RPS29: variants seen among roughly 807,000 people sequenced by gnomAD.
RPS29 encodes ribosomal protein S29.
For missense variants in RPS29, 60 were observed against 75.7 expected, an observed-to-expected ratio of 0.79 and a Z score of 0.77; for synonymous variants, 37 against 26.9, an observed-to-expected ratio of 1.37 and a Z score of -1.16.
At chr14:49,597,233 A>AT (rs1342543375) in intron 1 of RPS29, among the ~76,000 whole-genome samples, 1 of 151,270 alleles carries the variant, frequency 6.6e-6, no homozygotes, top group Non-Finnish European at 1.5e-5. Context: ...TTTTAATTTA[A>AT]TTTTTTTGTG....
Position 49,584,766 on chromosome 14 carries a change from C to CA in RPS29, c.163-1092dup, listed in dbSNP as rs201451612. Among the ~76,000 whole-genome samples the CA allele has an allele frequency of 8.3e-3, 1,065 of 128,392 alleles. 10 individuals carry two copies. Among genetic ancestry groups the CA allele is most frequent in the African/African-American group, 0.027 (933 of 34,230 alleles). 84.2% of individuals were successfully genotyped at this position (128,392 alleles called of 152,430 possible). A position where few individuals can be genotyped will look rare whatever the true frequency, so the allele number is the denominator to read the frequency against. On this transcript the variant is annotated intron_variant, in intron 2 of 2. Transcript: ENST00000245458. ...AACAGAGGGAGACCCAATTTCAAAA[C>CA]AAAAAAAAAAATTTACATCATTATA...
chr14:49,588,035 A>G (rs1223102739), upstream of RPS29, among the ~76,000 whole-genome samples: 2 of 152,258 alleles, frequency 1.3e-5, no homozygotes, highest in South Asian at 2.1e-4. Flanking sequence ...CAACTTTCCT[A>G]TAATTTATAT....
chr14:49,584,241 T>G (rs1389281747), intron 2 of RPS29, among the ~76,000 whole-genome samples: 1 of 152,248 alleles, frequency 6.6e-6, no homozygotes. Flanking sequence ...CCTCCCAAAG[T>G]GCTGGGATTT....
At chr14:49,583,855 C>T (rs143620012) in intron 2 of RPS29, among the ~76,000 whole-genome samples, 180 bp from the exon 3 acceptor site, 125 of 152,340 alleles carry the variant, frequency 8.2e-4, no homozygotes, top group Non-Finnish European at 1.3e-3. Flanking sequence ...CAGAATCAAC[C>T]ATGTTTTAGA....
Position 49,585,932 on chromosome 14 carries a change from A to C in RPS29, c.162+18T>G. On this transcript the variant is annotated intron_variant, in intron 2 of 2. Transcript: ENST00000245458. Reference sequence around the variant, plus strand: ...CTTCTCTGCCCAAACAACATGGAGTACGCCTGCAGACGCCTACCTTAATGA... The same window carrying C: ...CTTCTCTGCCCAAACAACATGGAGTCCGCCTGCAGACGCCTACCTTAATGA... 6 of 1,593,732 alleles carry C rather than the reference A, an allele frequency of 3.8e-6. No homozygotes were observed. The highest frequency in any genetic ancestry group is 5.2e-6 in the Non-Finnish European group (6 of 1,162,038).
chr14:49,584,298 C>A (rs907020265), intron 2 of RPS29, among the ~76,000 whole-genome samples: 4 of 152,232 alleles, frequency 2.6e-5, no homozygotes, highest in Non-Finnish European at 5.9e-5. Context: ...GGACACAGAG[C>A]TAGGGCGTGG....
upstream of RPS29, among the ~76,000 whole-genome samples, chr14:49,588,521 G>T (rs1372000617): frequency 6.7e-6 from 1 of 148,654 alleles, no homozygotes; most frequent in Non-Finnish European, 1.5e-5. Context: ...TTTATGTTTT[G>T]TTTTGTTTTT....
At chr14:49,585,712 T>G in intron 2 of RPS29, 1 of 515,544 alleles carries the variant, frequency 1.9e-6, no homozygotes, top group East Asian at 2.9e-5. Context: ...GGCTAAGCTA[T>G]CTAGGTAAAA....
intron 1 of RPS29, among the ~76,000 whole-genome samples, chr14:49,593,877 G>A (rs1202195605): frequency 6.6e-6 from 1 of 151,908 alleles, no homozygotes; most frequent in African/African-American, 2.4e-5. Context: ...CAAGCCTTTG[G>A]GCAACTGTAT....
rs1277421477 is a variant in RPS29, at chr14:49,598,681, C to T, written c.-414G>A. 7.1e-6 allele frequency: 5 copies of T among 700,218 alleles called. No homozygotes were observed. The African/African-American group carries it at 8.7e-5, about 12-fold the overall frequency. 43.4% of individuals were successfully genotyped at this position (700,218 alleles called of 1,614,324 possible). On this transcript the variant is annotated 5_prime_UTR_variant, in exon 1 of 4. Coordinates refer to the RPS29 transcript ENST00000556230. ...GTCAACAGCTGAAACCCTCGGAATC[C>T]TCCCCGAACAGAAACAACCACCGCT...
At chr14:49,584,603 AAAT>A (rs1423824961) in intron 2 of RPS29, among the ~76,000 whole-genome samples, 2 of 152,204 alleles carry the variant, frequency 1.3e-5, no homozygotes, top group South Asian at 2.1e-4. Context: ...CATCTCCACA[AAAT>A]AATAAAAATA....
upstream of RPS29, among the ~76,000 whole-genome samples, chr14:49,588,574 C>A (rs1881643475): frequency 6.6e-6 from 1 of 151,866 alleles, no homozygotes; most frequent in Admixed American, 6.6e-5. Flanking sequence ...GTCGCCCAGG[C>A]TGGAGTGCAA....
intron 1 of RPS29, among the ~76,000 whole-genome samples, chr14:49,592,780 T>C (rs1052031515): frequency 6.7e-6 from 1 of 149,884 alleles, no homozygotes; most frequent in Non-Finnish European, 1.5e-5. Flanking sequence ...TGGTGGTGCA[T>C]GCCTGTAATC....
At chr14:49,583,723 T>A in intron 2 of RPS29, 48 bp from the exon 3 acceptor site, 2 of 1,140,262 alleles carry the variant, frequency 1.8e-6, no homozygotes, top group Non-Finnish European at 2.6e-6. Context: ...TTTAAATCTC[T>A]ACTTGATTCT....
At chr14:49,572,313 G>A (rs1881074442) in exon 3 of RPS29, 1 of 152,200 alleles carries the variant, frequency 6.6e-6, no homozygotes, top group Admixed American at 6.5e-5. Flanking sequence ...TCAAAAGTGA[G>A]GACAACCTCG....
chr14:49,582,685 CTT>C (rs1365351192), downstream of RPS29, among the ~76,000 whole-genome samples: 4 of 152,198 alleles, frequency 2.6e-5, no homozygotes, highest in African/African-American at 9.7e-5. Flanking sequence ...CGTAGGGGCT[CTT>C]GTTCAAATGT....
At chr14:49,587,800 T>G (rs964635731), upstream of RPS29, among the ~76,000 whole-genome samples, 1 of 152,222 alleles carries the variant, frequency 6.6e-6, no homozygotes, top group African/African-American at 2.4e-5. Flanking sequence ...TTAATTCCAG[T>G]TCGAGGTACA....
At chr14:49,591,388 G>A (rs1362560400) in intron 1 of RPS29, among the ~76,000 whole-genome samples, 1 of 151,790 alleles carries the variant, frequency 6.6e-6, no homozygotes, top group Non-Finnish European at 1.5e-5. Context: ...TCTCAGCTCA[G>A]GGCAACCTCC....
chr14:49,573,688 A>C (rs1881111485), exon 3 of RPS29: 1 of 152,158 alleles, frequency 6.6e-6, no homozygotes, highest in Admixed American at 6.6e-5. Flanking sequence ...GCACTGTTGG[A>C]GTGGACCATC....
Sources: gnomAD v4.1 joint callset for allele counts (sites outside exome capture counted in the v4.1 genomes callset) on GRCh38, gnomAD v4.1.1 for gene constraint, MANE v1.5 for transcripts, NCBI Gene and HGNC (gene_info 2026-07-23, HGNC 2026-07-21) for gene names.